The following CSMD3 variants were observed in gnomAD, a reference collection of about 807,000 sequenced individuals.
CSMD3 encodes the protein CUB and Sushi multiple domains 3.
A neutral mutation model predicts 435.2 loss-of-function variants in CSMD3; 177 were observed. The ratio of observed to expected loss-of-function variants is 0.41; its 90% confidence interval spans 0.36 to 0.46. The LOEUF is 0.46. Ranked by LOEUF, CSMD3 falls within the 20% of genes least tolerant of loss-of-function variation. CSMD3 has a pLI of 0.34. For synonymous variants in CSMD3, 1,656 were observed against 1,520.5 expected, an observed-to-expected ratio of 1.09 and a Z score of -2.07; for missense variants, 4,265 against 4,504.6, an observed-to-expected ratio of 0.95 and a Z score of 1.52.
chr8:113,171,423 T>C (rs761579286), intron 4 of CSMD3, among the ~76,000 whole-genome samples: 1 of 152,140 alleles, frequency 6.6e-6, no homozygotes, highest in Non-Finnish European at 1.5e-5. Flanking sequence ...CAGAGATTCA[T>C]TTTCAGGCAG....
At chr8:112,721,736 C>G (rs2076863026) in intron 13 of CSMD3, among the ~76,000 whole-genome samples, 1 of 152,036 alleles carries the variant, frequency 6.6e-6, no homozygotes, top group Non-Finnish European at 1.5e-5. Flanking sequence ...TCGAGTGAGG[C>G]CTTAGAACTA....
chr8:112,816,230 T>C (rs1465439761), intron 12 of CSMD3, among the ~76,000 whole-genome samples: 1 of 152,108 alleles, frequency 6.6e-6, no homozygotes, highest in Non-Finnish European at 1.5e-5. Flanking sequence ...AGGCTTTCTG[T>C]AAGGAATTCA....
At chr8:113,184,639 C>G (rs1386193090) in intron 3 of CSMD3, among the ~76,000 whole-genome samples, 1 of 152,088 alleles carries the variant, frequency 6.6e-6, no homozygotes, top group East Asian at 1.9e-4. Flanking sequence ...GGCCAAATCA[C>G]TAGAACTCCA....
At chr8:113,164,995 G>A (rs1270700148) in intron 4 of CSMD3, among the ~76,000 whole-genome samples, 3 of 152,090 alleles carry the variant, frequency 2.0e-5, no homozygotes, top group African/African-American at 7.2e-5. Flanking sequence ...TTAGAGTGGT[G>A]GCTTTGCAAA....
chr8:113,215,908 C>T (rs2092899228), intron 3 of CSMD3, among the ~76,000 whole-genome samples: 2 of 151,552 alleles, frequency 1.3e-5, no homozygotes, highest in South Asian at 4.2e-4. Flanking sequence ...TTTGTGAATA[C>T]TTTTTTAAAA....
intron 27 of CSMD3, among the ~76,000 whole-genome samples, chr8:112,543,697 CTACTT>C (rs1563682732): frequency 1.3e-5 from 2 of 152,050 alleles, no homozygotes; most frequent in South Asian, 2.1e-4. Context: ...AAAAATGAAA[CTACTT>C]TACGATCCAA....
intron 3 of CSMD3, among the ~76,000 whole-genome samples, chr8:113,266,775 G>A (rs930558799): frequency 2.0e-5 from 3 of 151,476 alleles, no homozygotes; most frequent in African/African-American, 7.3e-5. Context: ...AATACACATC[G>A]ACAATCATAG....
chr8:113,117,736 C>T (rs1236530995), intron 4 of CSMD3, among the ~76,000 whole-genome samples: 1 of 152,220 alleles, frequency 6.6e-6, no homozygotes, highest in East Asian at 1.9e-4. Context: ...CATGGGAGCC[C>T]ACCTCTTGCA....
intron 13 of CSMD3, among the ~76,000 whole-genome samples, chr8:112,728,139 A>G (rs552534127): frequency 6.6e-6 from 1 of 152,036 alleles, no homozygotes; most frequent in African/African-American, 2.4e-5. Flanking sequence ...AAGCTTTGTC[A>G]GCTAGATTTC....
intron 13 of CSMD3, among the ~76,000 whole-genome samples, chr8:112,768,398 T>G (rs2132182008): frequency 6.6e-6 from 1 of 151,992 alleles, no homozygotes; most frequent in East Asian, 1.9e-4. Flanking sequence ...CTTAAACAAT[T>G]TTATTCCTTC....
chr8:113,424,729 A>G (rs1027546273), intron 1 of CSMD3, among the ~76,000 whole-genome samples: 5 of 151,652 alleles, frequency 3.3e-5, no homozygotes, highest in African/African-American at 1.2e-4. Flanking sequence ...GATGGGAGTC[A>G]ATAAACATTT....
intron 32 of CSMD3, among the ~76,000 whole-genome samples, chr8:112,432,389 G>C (rs1449279359): frequency 6.6e-6 from 1 of 152,052 alleles, no homozygotes; most frequent in Non-Finnish European, 1.5e-5. Flanking sequence ...CTGCAGCTTT[G>C]AATGCCAGGG....
At chr8:113,067,037 A>G (rs914112908) in intron 5 of CSMD3, among the ~76,000 whole-genome samples, 1 of 152,114 alleles carries the variant, frequency 6.6e-6, no homozygotes, top group Non-Finnish European at 1.5e-5. Context: ...TTCAAGATTG[A>G]TATTTGCTCC....
At chr8:113,086,866 T>C (rs1363240993) in intron 5 of CSMD3, among the ~76,000 whole-genome samples, 2 of 152,200 alleles carry the variant, frequency 1.3e-5, no homozygotes, top group Non-Finnish European at 2.9e-5. Context: ...ATTTTCTCAA[T>C]CAAAGATCTT....
At chr8:112,359,505 AAG>A (rs1288065198) in intron 38 of CSMD3, among the ~76,000 whole-genome samples, 1 of 152,214 alleles carries the variant, frequency 6.6e-6, no homozygotes, top group African/African-American at 2.4e-5. Context: ...TAATATAAGA[AAG>A]AGAGTGTATC....
intron 3 of CSMD3, among the ~76,000 whole-genome samples, chr8:113,189,883 AG>A: frequency 6.6e-6 from 1 of 151,932 alleles, no homozygotes; most frequent in Middle Eastern, 3.4e-3. Flanking sequence ...GGGATAATAT[AG>A]TTTGGAAATA....
At chr8:113,053,686 C>T (rs2088194957) in intron 5 of CSMD3, among the ~76,000 whole-genome samples, 2 of 151,962 alleles carry the variant, frequency 1.3e-5, no homozygotes, top group Admixed American at 6.6e-5. Context: ...ATGCACTGTC[C>T]TATAATGTGT....
chr8:112,459,285 G>T (rs1272488199), intron 32 of CSMD3, among the ~76,000 whole-genome samples: 1 of 148,812 alleles, frequency 6.7e-6, no homozygotes, highest in African/African-American at 2.5e-5. Context: ...TATACTTTGG[G>T]TTTTTTTTCC....
chr8:112,764,106 C>A (rs1237738579), intron 13 of CSMD3, among the ~76,000 whole-genome samples: 1 of 151,450 alleles, frequency 6.6e-6, no homozygotes. Context: ...AGTGACATTT[C>A]AGCAATTTCT....
Sources: gnomAD v4.1 joint callset for allele counts (sites outside exome capture counted in the v4.1 genomes callset) on GRCh38, gnomAD v4.1.1 for gene constraint, MANE v1.5 for transcripts, NCBI Gene and HGNC (gene_info 2026-07-23, HGNC 2026-07-21) for gene names.